The following C12orf76 variants were observed in gnomAD, a reference collection of about 807,000 sequenced individuals.
The protein encoded by C12orf76 is chromosome 12 open reading frame 76.
C12orf76 carries 6 observed loss-of-function variants against 6.8 expected under a neutral mutation model. That is an observed-to-expected ratio of 0.88 (90% CI 0.48 to 1.73). C12orf76 has a LOEUF of 1.73. Ranked by LOEUF, C12orf76 falls within the 40% of genes most tolerant of loss-of-function variation. The pLI, the probability that C12orf76 is intolerant of heterozygous loss-of-function variation, is 0.01. For missense variants in C12orf76, 99 were observed against 98.2 expected (o/e 1.01, Z -0.03); for synonymous variants, 56 against 43.7 (o/e 1.28, Z -1.11).
At chr12:110,045,198 C>G (rs192435807) in intron 1 of C12orf76, among the ~76,000 whole-genome samples, 19 of 152,192 alleles carry the variant, frequency 1.2e-4, no homozygotes, top group African/African-American at 4.6e-4. Flanking sequence ...GTCCTGAATT[C>G]TGAGTTTCTA....
upstream of C12orf76, among the ~76,000 whole-genome samples, chr12:110,068,313 G>GAAGAAGAAGAAGAAGAAGAAGAAGAAA (rs1566080246): frequency 1.8e-4 from 26 of 145,876 alleles, no homozygotes; most frequent in African/African-American, 6.2e-4. Context: ...AGAAGAAGAA[G>GAAGAAGAAGAAGAAGAAGAAGAAGAAA]AAGAAGAAGA....
At chr12:110,065,796 G>T in intron 2 of C12orf76, 1 of 1,613,996 alleles carries the variant, frequency 6.2e-7, no homozygotes, top group Non-Finnish European at 8.5e-7. Context: ...CCATGGCACT[G>T]AAAATCAAAT....
chr12:110,052,118 G>A (rs1408716600), upstream of C12orf76, among the ~76,000 whole-genome samples: 1 of 148,844 alleles, frequency 6.7e-6, no homozygotes, highest in East Asian at 2.0e-4. Flanking sequence ...TGATGGTCTC[G>A]ATCTCCTGAC....
chr12:110,043,312 A>G (rs1892364539), intron 1 of C12orf76, among the ~76,000 whole-genome samples: 1 of 152,020 alleles, frequency 6.6e-6, no homozygotes. Context: ...ACGGATTTTA[A>G]GTTTAAAGAG....
intron 2 of C12orf76, among the ~76,000 whole-genome samples, chr12:110,061,920 A>C (rs1292534729): frequency 6.6e-6 from 1 of 152,066 alleles, no homozygotes; most frequent in East Asian, 1.9e-4. Flanking sequence ...TGGCTACACG[A>C]CCTTGGACAA....
chr12:110,057,789 C>T (rs542328474), intron 3 of C12orf76, among the ~76,000 whole-genome samples: 15 of 152,132 alleles, frequency 9.9e-5, no homozygotes, highest in African/African-American at 3.6e-4. Context: ...CCCAGCTGGG[C>T]GCAGTGACTC....
At chr12:110,052,940 C>T (rs1299466944), upstream of C12orf76, among the ~76,000 whole-genome samples, 23 of 152,348 alleles carry the variant, frequency 1.5e-4, no homozygotes, top group East Asian at 3.9e-4. Flanking sequence ...CAGTGGCTCA[C>T]GCCTGTATTC....
intron 2 of C12orf76, among the ~76,000 whole-genome samples, chr12:110,061,112 T>A (rs1356950061): frequency 6.7e-6 from 1 of 149,028 alleles, no homozygotes; most frequent in Non-Finnish European, 1.5e-5. Flanking sequence ...GAAACCTACA[T>A]CTCAGCTCCA....
chr12:110,062,292 C>T (rs772098167), intron 2 of C12orf76, among the ~76,000 whole-genome samples: 5 of 152,002 alleles, frequency 3.3e-5, no homozygotes, highest in Non-Finnish European at 4.4e-5. Context: ...GTATTGTATT[C>T]GGCAGGGTTT....
chr12:110,067,760 C>T (rs528218233), upstream of C12orf76: 7 of 157,836 alleles, frequency 4.4e-5, no homozygotes, highest in South Asian at 2.0e-4. Context: ...TTGGCCCAGG[C>T]GGTGATTGGT....
chr12:110,072,343 A>T (rs1399703664), upstream of C12orf76, among the ~76,000 whole-genome samples: 1 of 152,216 alleles, frequency 6.6e-6, no homozygotes, highest in Non-Finnish European at 1.5e-5. Context: ...GCTAAGTGAA[A>T]AAAAGCCAGC....
intron 1 of C12orf76, 92 bp downstream of exon 1, chr12:110,048,271 C>T: frequency 7.2e-7 from 1 of 1,387,188 alleles, no homozygotes. Flanking sequence ...CCCACTCTAT[C>T]CCCTGTCCGC....
upstream of C12orf76, among the ~76,000 whole-genome samples, chr12:110,069,296 G>T (rs912464063): frequency 6.6e-6 from 1 of 151,940 alleles, no homozygotes; most frequent in South Asian, 2.1e-4. Context: ...AAAAATTAGC[G>T]GGACATGGTG....
upstream of C12orf76, chr12:110,050,318 A>C (rs991251429): frequency 5.9e-5 from 9 of 152,408 alleles, no homozygotes; most frequent in Admixed American, 5.9e-4. Context: ...AGTATCATTC[A>C]CCTCACAATG....
chr12:110,056,063 ACT>A (rs1892661270), intron 4 of C12orf76, among the ~76,000 whole-genome samples: 1 of 149,194 alleles, frequency 6.7e-6, no homozygotes, highest in Non-Finnish European at 1.5e-5. Flanking sequence ...ACAGAGCCAG[ACT>A]CTATCTCAAA....
upstream of C12orf76, among the ~76,000 whole-genome samples, chr12:110,068,273 AGAAG>A (rs1461702559): frequency 7.5e-6 from 1 of 133,656 alleles, no homozygotes; most frequent in Non-Finnish European, 1.7e-5. Context: ...AAGAAGAAGA[AGAAG>A]AAGAAGAAGA....
At chr12:110,062,623 A>T (rs972493526) in intron 2 of C12orf76, among the ~76,000 whole-genome samples, 5 of 143,596 alleles carry the variant, frequency 3.5e-5, no homozygotes, top group Non-Finnish European at 6.1e-5. Context: ...AAAAAAAGAG[A>T]TTTTTTTTTT....
Position 110,062,646 on chromosome 12 carries a change from G to A in C12orf76, n.380+3214C>T, listed in dbSNP as rs77221803. ...AGATTTTTTTTTTTTTTGAGACAGG[G>A]TCTCACTCTGTCGCCTAGGCTGGAG... On this transcript the variant is annotated intron_variant and non_coding_transcript_variant, in intron 2 of 4. Coordinates refer to the C12orf76 transcript ENST00000309050. 6.3e-4 allele frequency among the ~76,000 whole-genome samples: 95 copies of A among 151,218 alleles called. 1 individual carries two copies. In the East Asian group the frequency reaches 0.018, roughly 29 times the overall value.
At chr12:110,069,956 T>TA (rs573977305), upstream of C12orf76, among the ~76,000 whole-genome samples, 51 of 152,260 alleles carry the variant, frequency 3.3e-4, 1 homozygote, top group South Asian at 9.3e-3. Context: ...GATCTGCTTT[T>TA]AAAAAATTGT....
Sources: gnomAD v4.1 joint callset for allele counts (sites outside exome capture counted in the v4.1 genomes callset) on GRCh38, gnomAD v4.1.1 for gene constraint, MANE v1.5 for transcripts, NCBI Gene and HGNC (gene_info 2026-07-23, HGNC 2026-07-21) for gene names.